The following CTNNA2 variants were observed in gnomAD, a reference collection of about 807,000 sequenced individuals.
CTNNA2 encodes catenin alpha-2.
A neutral mutation model predicts 101.0 loss-of-function variants in CTNNA2; 42 were observed. The observed-to-expected ratio is 0.42, with a 90% CI of 0.32 to 0.54. The LOEUF is 0.54. Ranked by LOEUF, CTNNA2 falls within the 20% of genes least tolerant of loss-of-function variation. The pLI is 0.14. For missense variants in CTNNA2, 871 were observed against 1,223.1 expected, an observed-to-expected ratio of 0.71 and a Z score of 4.29; for synonymous variants, 450 against 456.4, an observed-to-expected ratio of 0.99 and a Z score of 0.18.
chr2:80,498,094 G>A (rs759908531), intron 9 of CTNNA2, among the ~76,000 whole-genome samples: 12 of 151,870 alleles, frequency 7.9e-5, no homozygotes, highest in Middle Eastern at 3.4e-3. Flanking sequence ...CAGGAGCAGG[G>A]TATCAAGTCT....
At chr2:79,716,906 C>G (rs968813817) in intron 2 of CTNNA2, among the ~76,000 whole-genome samples, 3 of 152,020 alleles carry the variant, frequency 2.0e-5, no homozygotes, top group African/African-American at 7.3e-5. Context: ...CATGAAGACA[C>G]TGAAAGTGGT....
chr2:80,603,913 A>C (rs1037721609), intron 15 of CTNNA2, 161 bp from the exon 16 acceptor site: 16 of 549,354 alleles, frequency 2.9e-5, no homozygotes, highest in Non-Finnish European at 6.4e-6. Context: ...AACGACTACT[A>C]ATATAGAAAC....
chr2:79,502,287 A>G (rs1573196131), intron 4 of CTNNA2, among the ~76,000 whole-genome samples: 1 of 152,212 alleles, frequency 6.6e-6, no homozygotes, highest in Non-Finnish European at 1.5e-5. Context: ...GCCATGTGCT[A>G]TCTTGAGTAG....
chr2:79,291,486 A>T (rs999809550), intron 2 of CTNNA2, among the ~76,000 whole-genome samples: 1 of 152,076 alleles, frequency 6.6e-6, no homozygotes, highest in African/African-American at 2.4e-5. Flanking sequence ...TGGTATTTGG[A>T]CCCCAAATTG....
At chr2:80,568,012 C>T (rs1038419326) in intron 12 of CTNNA2, among the ~76,000 whole-genome samples, 2 of 152,132 alleles carry the variant, frequency 1.3e-5, no homozygotes, top group Non-Finnish European at 2.9e-5. Context: ...TGGATGACTG[C>T]ATCACCACAG....
chr2:80,427,769 T>C (rs1344375), intron 9 of CTNNA2, among the ~76,000 whole-genome samples: 21,371 of 152,182 alleles, frequency 0.14, 2,381 homozygotes, highest in East Asian at 0.61. Context: ...TAAATTGCTC[T>C]TCTCAATTAA....
chr2:79,817,101 A>G (rs2105362348), intron 3 of CTNNA2, among the ~76,000 whole-genome samples: 1 of 151,850 alleles, frequency 6.6e-6, no homozygotes, highest in Middle Eastern at 3.4e-3. Flanking sequence ...TTTGTTACAT[A>G]TGTATACATG....
At chr2:79,409,783 G>A (rs1358452048) in intron 4 of CTNNA2, among the ~76,000 whole-genome samples, 1 of 144,484 alleles carries the variant, frequency 6.9e-6, no homozygotes, top group African/African-American at 2.6e-5. Context: ...GGTGATGCGG[G>A]CTCTTTTTTG....
chr2:80,645,378 C>T (rs548020912), intron 18 of CTNNA2, among the ~76,000 whole-genome samples: 37 of 152,086 alleles, frequency 2.4e-4, no homozygotes, highest in Admixed American at 1.8e-3. Flanking sequence ...ATGGGAAAGA[C>T]GAAAAAGTAA....
chr2:79,290,568 G>A (rs13418768), intron 2 of CTNNA2, among the ~76,000 whole-genome samples: 6,131 of 152,106 alleles, frequency 0.04, 168 homozygotes, highest in Non-Finnish European at 0.062. Context: ...GTGACTCATC[G>A]TCGAGAGGAA....
At chr2:79,811,839 T>A (rs1327144446) in intron 3 of CTNNA2, among the ~76,000 whole-genome samples, 1 of 152,178 alleles carries the variant, frequency 6.6e-6, no homozygotes, top group Non-Finnish European at 1.5e-5. Context: ...TTAACATTAT[T>A]AAAACTCCCA....
At chr2:80,512,879 G>A (rs1017290111) in intron 9 of CTNNA2, among the ~76,000 whole-genome samples, 6 of 151,900 alleles carry the variant, frequency 3.9e-5, no homozygotes, top group African/African-American at 1.5e-4. Flanking sequence ...TTGGAGGGCC[G>A]TTGTAATCTT....
chr2:79,745,158 C>T (rs75312450), intron 3 of CTNNA2, among the ~76,000 whole-genome samples: 9,361 of 152,052 alleles, frequency 0.062, 423 homozygotes, highest in Non-Finnish European at 0.09. Flanking sequence ...CGGCCGGGTG[C>T]GGTGGCTCAC....
At chr2:79,322,367 A>C (rs2104410458) in intron 3 of CTNNA2, among the ~76,000 whole-genome samples, 1 of 152,306 alleles carries the variant, frequency 6.6e-6, no homozygotes, top group South Asian at 2.1e-4. Context: ...TATCTTTAAT[A>C]GTGGTGTTCC....
Position 79,901,212 on chromosome 2 carries a change from G to GTTT in CTNNA2, c.853-8370_853-8368dup, listed in dbSNP as rs144702167. Among the ~76,000 whole-genome samples the GTTT allele has an allele frequency of 6.3e-5, 9 of 143,266 alleles. No homozygotes were observed. In the Admixed American group the frequency reaches 6.3e-4, roughly 10 times the overall value. 94.0% of individuals were successfully genotyped at this position (143,266 alleles called of 152,430 possible). On this transcript the variant is annotated intron_variant, in intron 6 of 18. Transcript: ENST00000402739. ...TGACTAATGTTAACTTTCTCTTTCA[G>GTTT]TTTTTTTTTTTTTTAAGATTTAAAA...
intron 9 of CTNNA2, among the ~76,000 whole-genome samples, chr2:80,493,157 C>G (rs528718611): frequency 6.6e-6 from 1 of 152,138 alleles, no homozygotes; most frequent in East Asian, 1.9e-4. Context: ...GAGCACGGTA[C>G]AGAATGCATG....
intron 1 of CTNNA2, among the ~76,000 whole-genome samples, chr2:79,550,032 A>G (rs866972997): frequency 6.6e-6 from 1 of 152,024 alleles, no homozygotes; most frequent in East Asian, 1.9e-4. Flanking sequence ...CTGGGCTGGA[A>G]CTCCATTTAT....
At position 80,464,978 on chromosome 2, in the gene CTNNA2, TA is replaced by T. The variant is rs1404664896; in HGVS notation, c.1290+45380del. Among the ~76,000 whole-genome samples, 4 of 152,186 alleles carry T rather than the reference TA, an allele frequency of 2.6e-5. No individual in the cohort carries two copies. In the East Asian group the frequency reaches 7.7e-4, roughly 29 times the overall value. The stretch of plus-strand genomic sequence containing the variant: ...GTTTCTTTCTCTGAGATTCATGGCA[TA>T]AACCCTCATAAATACTAATTTCACA... On this transcript the variant is annotated intron_variant, in intron 9 of 18. Coordinates refer to ENST00000402739, the MANE Select transcript of CTNNA2 (RefSeq NM_001282597.3).
chr2:79,438,600 A>G (rs1478217745), intron 4 of CTNNA2, among the ~76,000 whole-genome samples: 1 of 152,118 alleles, frequency 6.6e-6, no homozygotes, highest in Non-Finnish European at 1.5e-5. Context: ...CCCCCAGTTG[A>G]GACAACCAAA....
Sources: gnomAD v4.1 joint callset for allele counts (sites outside exome capture counted in the v4.1 genomes callset) on GRCh38, gnomAD v4.1.1 for gene constraint, MANE v1.5 for transcripts, NCBI Gene and HGNC (gene_info 2026-07-23, HGNC 2026-07-21) for gene names.